Variants in TNR observed in about 807,000 individuals in gnomAD.
TNR encodes tenascin R.
Under a neutral mutation model 150.4 loss-of-function variants are expected in TNR, and 45 were observed. The ratio of observed to expected loss-of-function variants is 0.30; its 90% CI spans 0.24 to 0.38. The LOEUF (loss-of-function observed/expected upper bound fraction) is 0.38, where lower values mean the gene tolerates loss of function less well. Ranked by LOEUF, TNR falls within the 10% of genes least tolerant of loss-of-function variation. The pLI is 1.00. For missense variants in TNR, 1,544 were observed against 1,759.1 expected, an observed-to-expected ratio of 0.88 and a Z score of 2.19; for synonymous variants, 687 against 678.4, an observed-to-expected ratio of 1.01 and a Z score of -0.20.
At chr1:175,679,727 C>A (rs1665973213) in intron 1 of TNR, among the ~76,000 whole-genome samples, 1 of 152,152 alleles carries the variant, frequency 6.6e-6, no homozygotes, top group African/African-American at 2.4e-5. Flanking sequence ...AGACCAAGAG[C>A]CTGCGTGGCT....
intron 1 of TNR, among the ~76,000 whole-genome samples, chr1:175,619,241 G>A (rs1380483899): frequency 6.6e-6 from 1 of 152,172 alleles, no homozygotes; most frequent in Non-Finnish European, 1.5e-5. Flanking sequence ...AACCATGAGA[G>A]CAATGGACCA....
intron 2 of TNR, among the ~76,000 whole-genome samples, chr1:175,493,190 C>A (rs1035697533): frequency 6.6e-6 from 1 of 151,876 alleles, no homozygotes; most frequent in Non-Finnish European, 1.5e-5. Context: ...CCAGAAATGA[C>A]CAGAAAAAGG....
intron 2 of TNR, among the ~76,000 whole-genome samples, chr1:175,418,243 C>A (rs1654590127): frequency 2.0e-5 from 3 of 152,038 alleles, no homozygotes. Context: ...GAAAGATATT[C>A]ATATAACAAG....
At chr1:175,360,840 C>G (rs1651556491) in intron 14 of TNR, among the ~76,000 whole-genome samples, 1 of 152,202 alleles carries the variant, frequency 6.6e-6, no homozygotes, top group Non-Finnish European at 1.5e-5. Context: ...ACATGACACC[C>G]TGAAGGAGCA....
chr1:175,361,823 T>G lies in TNR; in HGVS notation c.2854+840A>C, dbSNP rs531481963. ...TTTGGCTGTGCCTGCTAGTGAGTTCTGCAGCGAATCTTTGCATGTTCTGCC... is the reference window on the plus strand; with the variant it reads ...TTTGGCTGTGCCTGCTAGTGAGTTCGGCAGCGAATCTTTGCATGTTCTGCC... On this transcript the variant is annotated intron_variant, in intron 14 of 22. Coordinates refer to ENST00000367674, the MANE Select transcript of TNR (RefSeq NM_003285.3). 3.3e-5 allele frequency among the ~76,000 whole-genome samples: 5 copies of G among 152,356 alleles called. No homozygotes were observed. In the East Asian group the frequency reaches 9.7e-4, roughly 29 times the overall value.
chr1:175,363,871 T>C, intron 12 of TNR, 44 bp from the exon 13 acceptor site: 1 of 1,574,322 alleles, frequency 6.4e-7, no homozygotes, highest in Non-Finnish European at 8.6e-7. Flanking sequence ...GAAAGCACAG[T>C]GTGAAAAAGA....
intron 1 of TNR, among the ~76,000 whole-genome samples, chr1:175,641,526 G>C (rs1664659851): frequency 6.6e-6 from 1 of 152,148 alleles, no homozygotes. Flanking sequence ...AAGGTACAAT[G>C]GGATGGAATG....
chr1:175,722,133 G>A (rs541652527), intron 1 of TNR, among the ~76,000 whole-genome samples: 5 of 152,192 alleles, frequency 3.3e-5, no homozygotes, highest in Admixed American at 6.5e-5. Context: ...CCCTTGGGCG[G>A]CAGCTCCCAT....
intron 2 of TNR, among the ~76,000 whole-genome samples, chr1:175,424,977 T>C (rs1654910307): frequency 6.6e-6 from 1 of 152,088 alleles, no homozygotes; most frequent in Non-Finnish European, 1.5e-5. Flanking sequence ...TCAGCAGACC[T>C]GGGGGGCCTG....
chr1:175,679,755 C>A lies in TNR; in HGVS notation c.-165+63471G>T, dbSNP rs73035419. 9.7e-3 allele frequency among the ~76,000 whole-genome samples: 1,473 copies of A among 152,260 alleles called. 19 individuals are homozygous for A. The highest frequency in any genetic ancestry group is 0.033 in the African/African-American group (1,387 of 41,536). On this transcript the variant is annotated intron_variant, in intron 1 of 22. Transcript: ENST00000367674. ...GCGTGGCTCCCTGCTATTAAAGCAA[C>A]GTTCCAGAAGGCAGCGTGGAAGAGG... is the stretch of plus-strand genomic sequence containing the variant.
chr1:175,329,777 G>T (rs1260305025), intron 21 of TNR, among the ~76,000 whole-genome samples: 1 of 152,176 alleles, frequency 6.6e-6, no homozygotes, highest in East Asian at 1.9e-4. Context: ...AACCTTAAAA[G>T]TACAATCACT....
chr1:175,480,602 C>T (rs1657762410), intron 2 of TNR, among the ~76,000 whole-genome samples: 2 of 152,278 alleles, frequency 1.3e-5, no homozygotes, highest in South Asian at 2.1e-4. Context: ...TGCCCAGCGT[C>T]GTGCTAAGTA....
intron 15 of TNR, among the ~76,000 whole-genome samples, chr1:175,357,968 T>C (rs1008709164): frequency 2.6e-5 from 4 of 152,350 alleles, no homozygotes; most frequent in Non-Finnish European, 2.9e-5. Flanking sequence ...TGTGAGCAGA[T>C]GTGTCTGACT....
chr1:175,373,137 G>A lies in TNR; in HGVS notation c.1964-5840C>T, dbSNP rs186018305. 1.0e-3 allele frequency among the ~76,000 whole-genome samples: 157 copies of A among 152,276 alleles called. 1 individual carries two copies. Among genetic ancestry groups the A allele is most frequent in the Admixed American group, 9.0e-3 (138 of 15,294 alleles). ...TGGGGAGTGTTGGGGAGACTCCGAA[G>A]AGAGGATATCTGGACTGGGTTTTGA... is the stretch of plus-strand genomic sequence containing the variant. On this transcript the variant is annotated intron_variant, in intron 9 of 22. Coordinates refer to ENST00000367674, the MANE Select transcript of TNR (RefSeq NM_003285.3).
intron 2 of TNR, among the ~76,000 whole-genome samples, chr1:175,459,784 A>G (rs903167693): frequency 5.3e-5 from 8 of 152,176 alleles, no homozygotes; most frequent in African/African-American, 1.9e-4. Flanking sequence ...TCTGACTTCA[A>G]ACCCTAGCCA....
chr1:175,433,027 T>C (rs981937212), intron 2 of TNR, among the ~76,000 whole-genome samples: 3 of 152,164 alleles, frequency 2.0e-5, no homozygotes, highest in African/African-American at 7.2e-5. Flanking sequence ...TTCTTCCTGT[T>C]GACTGGAGCA....
At chr1:175,481,038 G>A (rs747470123) in intron 2 of TNR, among the ~76,000 whole-genome samples, 8 of 152,068 alleles carry the variant, frequency 5.3e-5, no homozygotes, top group East Asian at 1.9e-4. Flanking sequence ...AACCTTCTGC[G>A]TTGTCACTGT....
chr1:175,640,188 C>T (rs143383885), intron 1 of TNR, among the ~76,000 whole-genome samples: 1 of 152,186 alleles, frequency 6.6e-6, no homozygotes, highest in Non-Finnish European at 1.5e-5. Context: ...TCCCTGTATG[C>T]CTTCTACACA....
chr1:175,358,416 C>A (rs912700524), intron 15 of TNR, among the ~76,000 whole-genome samples: 1 of 152,168 alleles, frequency 6.6e-6, no homozygotes, highest in Non-Finnish European at 1.5e-5. Context: ...AAAACTTATT[C>A]TTGGTGAATC....
Sources: allele counts gnomAD v4.1 joint callset (sites outside exome capture counted in the v4.1 genomes callset), GRCh38; gene constraint gnomAD v4.1.1; transcripts MANE v1.5; gene names NCBI Gene and HGNC (gene_info 2026-07-23, HGNC 2026-07-21).